The following RBFOX3 variants were observed in gnomAD, a reference collection of about 807,000 sequenced individuals.
The protein encoded by RBFOX3 is RNA binding protein fox-1 homolog 3.
Under a neutral mutation model 48.7 loss-of-function variants are expected in RBFOX3, and 17 were observed. That is an observed-to-expected ratio of 0.35 (90% CI 0.24 to 0.52). The LOEUF (loss-of-function observed/expected upper bound fraction) is 0.52. Among genes scored for constraint, RBFOX3 ranks in the 20% least tolerant of loss-of-function variants. The probability of loss-of-function intolerance (pLI) is 0.94; values close to 1 mark genes in which losing one functional copy is unlikely to be tolerated. For missense variants in RBFOX3, 382 were observed against 497.5 expected (o/e 0.77, Z 2.21); for synonymous variants, 212 against 209.5 (o/e 1.01, Z -0.10).
chr17:79,510,105 C>T (rs1003132201), intron 1 of RBFOX3, among the ~76,000 whole-genome samples: 15 of 152,300 alleles, frequency 9.8e-5, no homozygotes, highest in Admixed American at 5.9e-4. Context: ...GCCAACAGCC[C>T]GGCCCACCCA....
At chr17:79,466,320 G>A (rs2076308482) in intron 2 of RBFOX3, among the ~76,000 whole-genome samples, 1 of 152,228 alleles carries the variant, frequency 6.6e-6, no homozygotes, top group African/African-American at 2.4e-5. Context: ...GTCCTGGGGG[G>A]CGGGGGGCGA....
At position 79,491,008 on chromosome 17, in the gene RBFOX3, C is replaced by G. The variant is rs998870645; in HGVS notation, c.-319-8410G>C. 6.0e-5 allele frequency among the ~76,000 whole-genome samples: 8 copies of G among 132,596 alleles called. No homozygotes were observed. In the South Asian group the frequency reaches 2.3e-3, roughly 37 times the overall value. 87.0% of individuals were successfully genotyped at this position (132,596 alleles called of 152,430 possible). On this transcript the variant is annotated intron_variant, in intron 1 of 14. Coordinates refer to ENST00000693108, the MANE Select transcript of RBFOX3 (RefSeq NM_001350451.2). The stretch of plus-strand genomic sequence containing the variant: ...TGTTCTGGCTTCCTAGGGCAGGTGA[C>G]CAACCCTGGAGTGAATCGGAGAGGA...
At chr17:79,094,175 G>A (rs1356418918) in intron 14 of RBFOX3, 4 of 416,014 alleles carry the variant, frequency 9.6e-6, no homozygotes, top group Non-Finnish European at 1.7e-5. Context: ...TTATAGTGAG[G>A]GAGCTCAGGG....
chr17:79,125,797 G>A (rs921192446), intron 4 of RBFOX3, among the ~76,000 whole-genome samples: 7 of 152,316 alleles, frequency 4.6e-5, no homozygotes, highest in East Asian at 1.9e-4. Context: ...GCTGGGCACC[G>A]GGCCATTTCT....
chr17:79,497,890 C>T (rs2081786964), intron 1 of RBFOX3, among the ~76,000 whole-genome samples: 1 of 152,202 alleles, frequency 6.6e-6, no homozygotes, highest in Admixed American at 6.5e-5. Context: ...TGCAGGACTC[C>T]AGGAGCTTCC....
chr17:79,379,940 G>A (rs867435483), intron 2 of RBFOX3, among the ~76,000 whole-genome samples: 18 of 151,988 alleles, frequency 1.2e-4, no homozygotes, highest in Admixed American at 6.6e-5. Flanking sequence ...GGCCTCTCCC[G>A]CACCCTCCTT....
chr17:79,457,634 C>T (rs1555745953), intron 2 of RBFOX3, among the ~76,000 whole-genome samples: 5 of 152,178 alleles, frequency 3.3e-5, no homozygotes, highest in Non-Finnish European at 7.3e-5. Flanking sequence ...CAGCACAGAG[C>T]AACAGCTGGT....
intron 3 of RBFOX3, among the ~76,000 whole-genome samples, chr17:79,260,534 C>T (rs1035250712): frequency 3.3e-5 from 5 of 152,222 alleles, no homozygotes; most frequent in South Asian, 4.1e-4. Flanking sequence ...GGCACCTCCA[C>T]GGGTGAGGGG....
intron 2 of RBFOX3, among the ~76,000 whole-genome samples, chr17:79,352,920 C>T (rs1367836672): frequency 6.6e-6 from 1 of 152,204 alleles, no homozygotes; most frequent in Non-Finnish European, 1.5e-5. Flanking sequence ...CTGGCACACT[C>T]CAGCGAGCAC....
intron 1 of RBFOX3, among the ~76,000 whole-genome samples, chr17:79,502,770 C>T (rs947457600): frequency 4.9e-4 from 74 of 152,310 alleles, no homozygotes; most frequent in African/African-American, 1.5e-3. Context: ...GGATTCTGTT[C>T]CTCGGCACAG....
At chr17:79,619,628 G>A in the RBFOX3 span, among the ~76,000 whole-genome samples, 1 of 152,182 alleles carries the variant, frequency 6.6e-6, no homozygotes, top group Admixed American at 6.5e-5. Flanking sequence ...TGAAGTTCTA[G>A]GTGGACATGA....
At chr17:79,351,546 G>A (rs967112701) in intron 2 of RBFOX3, among the ~76,000 whole-genome samples, 1 of 152,184 alleles carries the variant, frequency 6.6e-6, no homozygotes, top group African/African-American at 2.4e-5. Context: ...GTGCCAGGTG[G>A]AGTCTTGTTG....
rs1315321935 is a variant in RBFOX3 at position 79,495,761 on chromosome 17, C to T, written c.-319-13163G>A. Among the ~76,000 whole-genome samples the T allele has an allele frequency of 9.6e-4, 43 of 45,014 alleles. 1 individual carries two copies. In the South Asian group the frequency reaches 0.029, roughly 30 times the overall value. 29.5% of individuals were successfully genotyped at this position (45,014 alleles called of 152,430 possible). A position where few individuals can be genotyped will look rare whatever the true frequency, so the allele number is the denominator to read the frequency against. On this transcript the variant is annotated intron_variant, in intron 1 of 14. Transcript: ENST00000693108. ...GGAGAGGGTATGACAGGGTAGGGCACGGGGCAGGGGAGGGGTGCAGACATC... is the reference window on the plus strand; with the variant it reads ...GGAGAGGGTATGACAGGGTAGGGCATGGGGCAGGGGAGGGGTGCAGACATC...
chr17:79,124,280 T>G (rs565435194), intron 4 of RBFOX3, among the ~76,000 whole-genome samples: 40 of 152,368 alleles, frequency 2.6e-4, no homozygotes, highest in Non-Finnish European at 1.5e-5. Context: ...GGCACGCCAC[T>G]GCCCAGCTCC....
intron 1 of RBFOX3, among the ~76,000 whole-genome samples, chr17:79,526,123 A>C (rs1299782946): frequency 6.6e-6 from 1 of 152,214 alleles, no homozygotes; most frequent in Non-Finnish European, 1.5e-5. Context: ...TCTTACCTGG[A>C]GGTGACGCCA....
intron 2 of RBFOX3, among the ~76,000 whole-genome samples, chr17:79,440,383 A>C (rs2070630316): frequency 6.6e-6 from 1 of 152,030 alleles, no homozygotes; most frequent in South Asian, 2.1e-4. Context: ...CATCCTCCCC[A>C]TCTGATGCAC....
chr17:79,425,592 G>T (rs2067213049), intron 2 of RBFOX3, among the ~76,000 whole-genome samples: 1 of 152,230 alleles, frequency 6.6e-6, no homozygotes, highest in South Asian at 2.1e-4. Flanking sequence ...AAATAAAGAG[G>T]GAGTTTCCAA....
At chr17:79,633,160 C>T in the RBFOX3 span, among the ~76,000 whole-genome samples, 10 of 152,226 alleles carry the variant, frequency 6.6e-5, no homozygotes, top group Admixed American at 1.3e-4. Flanking sequence ...CTCCAGAGTC[C>T]GGGGCTCGGT....
rs1030851196 is a variant in RBFOX3 at position 79,361,937 on chromosome 17, G to C, written c.-174-54113C>G. On this transcript the variant is annotated intron_variant, in intron 2 of 14. Coordinates refer to ENST00000693108, the MANE Select transcript of RBFOX3 (RefSeq NM_001350451.2). The surrounding 1 kb of genome is among the most constrained non-coding windows in gnomAD (Gnocchi z 4.5). The stretch of plus-strand genomic sequence containing the variant: ...GTTATAAAAATGTCTTATTTTGGTA[G>C]TTAATTGCCATTTCCATTTTAATAT... 8.5e-5 allele frequency among the ~76,000 whole-genome samples: 13 copies of C among 152,210 alleles called. No homozygotes were observed. Among genetic ancestry groups the C allele is most frequent in the Admixed American group, 3.3e-4 (5 of 15,288 alleles).
Sources: gnomAD v4.1 joint callset for allele counts (sites outside exome capture counted in the v4.1 genomes callset) on GRCh38, gnomAD v4.1.1 for gene constraint, Gnocchi (gnomAD v3.1) non-coding constraint, MANE v1.5 for transcripts, NCBI Gene and HGNC (gene_info 2026-07-23, HGNC 2026-07-21) for gene names.